The following MSH4 variants were observed in gnomAD, a reference collection of about 807,000 sequenced individuals.
MSH4 encodes mutS protein homolog 4.
Under a neutral mutation model 113.7 loss-of-function variants are expected in MSH4, and 106 were observed. That is an observed-to-expected ratio of 0.93 (90% CI 0.80 to 1.10). The LOEUF (loss-of-function observed/expected upper bound fraction) is 1.10. Among genes scored for constraint, MSH4 ranks in the 50% least tolerant of loss-of-function variants. The probability of loss-of-function intolerance (pLI) is 0.00; values close to 1 mark genes in which losing one functional copy is unlikely to be tolerated. For missense variants in MSH4, 1,061 were observed against 1,093.7 expected (o/e 0.97, Z 0.42); for synonymous variants, 368 against 380.2 (o/e 0.97, Z 0.37).
At chr1:75,813,462 A>T (rs1650230475) in intron 4 of MSH4, among the ~76,000 whole-genome samples, 1 of 152,166 alleles carries the variant, frequency 6.6e-6, no homozygotes. Context: ...CTACTGCAAG[A>T]CACTTAACTT....
intron 1 of MSH4, among the ~76,000 whole-genome samples, chr1:75,803,019 T>G (rs1649973581): frequency 6.6e-6 from 1 of 152,110 alleles, no homozygotes; most frequent in African/African-American, 2.4e-5. Flanking sequence ...ATGGATTAAT[T>G]CATTCATGAA....
chr1:75,825,666 T>C (rs1650530732), intron 7 of MSH4, among the ~76,000 whole-genome samples: 1 of 152,166 alleles, frequency 6.6e-6, no homozygotes, highest in African/African-American at 2.4e-5. Context: ...GACAGTTTTT[T>C]AGTATGAAGG....
At chr1:75,852,858 CA>C (rs1215369762) in intron 8 of MSH4, among the ~76,000 whole-genome samples, 1 of 151,924 alleles carries the variant, frequency 6.6e-6, no homozygotes, top group African/African-American at 2.4e-5. Flanking sequence ...AATCCCCGAT[CA>C]AAAAAATGAA....
At chr1:75,880,175 G>T in intron 13 of MSH4, 22 bp downstream of exon 13, 1 of 1,254,410 alleles carries the variant, frequency 8.0e-7, no homozygotes, top group South Asian at 1.4e-5. Flanking sequence ...TGAAGTATTT[G>T]AATATTGAAT....
At chr1:75,896,958 A>G (rs996938439) in intron 17 of MSH4, among the ~76,000 whole-genome samples, 12 of 151,926 alleles carry the variant, frequency 7.9e-5, no homozygotes, top group Admixed American at 5.2e-4. Flanking sequence ...AAGAATTTTC[A>G]TTTTTCTGTC....
At chr1:75,819,280 G>A (rs1288318405) in intron 6 of MSH4, among the ~76,000 whole-genome samples, 5 of 152,116 alleles carry the variant, frequency 3.3e-5, no homozygotes, top group Non-Finnish European at 7.3e-5. Flanking sequence ...ATCACTTGAG[G>A]CCAGGAGTTT....
chr1:75,845,882 G>A (rs1340566481), intron 7 of MSH4, among the ~76,000 whole-genome samples: 1 of 152,114 alleles, frequency 6.6e-6, no homozygotes, highest in East Asian at 1.9e-4. Flanking sequence ...CTCTGCCTGG[G>A]CCCCAGGCTG....
At chr1:75,911,990 T>G (rs1464190955) in intron 19 of MSH4, among the ~76,000 whole-genome samples, 2 of 152,136 alleles carry the variant, frequency 1.3e-5, no homozygotes, top group African/African-American at 4.8e-5. Flanking sequence ...GAAGTTCTAT[T>G]CAAGACCAAG....
At chr1:75,857,975 C>G (rs950353772) in intron 8 of MSH4, among the ~76,000 whole-genome samples, 1 of 152,074 alleles carries the variant, frequency 6.6e-6, no homozygotes, top group African/African-American at 2.4e-5. Context: ...TTGAAGAGGT[C>G]CTTCACATCC....
chr1:75,888,713 TG>T (rs562742399), intron 15 of MSH4, among the ~76,000 whole-genome samples: 154 of 152,228 alleles, frequency 1.0e-3, no homozygotes, highest in African/African-American at 3.5e-3. Context: ...TCAGTGTAAC[TG>T]GCATATTATA....
In MSH4 at chr1:75,803,790, T is replaced by TTTGGTGCAA. The variant is rs750912323; in HGVS notation, c.305_313dup (p.Ala104_Ser105insIleGlyAla). On this transcript the variant is annotated inframe_insertion, in exon 2 of 20. Transcript: ENST00000263187. ...AAACACAGTTGCATCAAATTTTACT[T>TTTGGTGCAA]TTGGTGCAAGCTCATCTTCTGCACG... The TTTGGTGCAA allele has an allele frequency of 6.2e-7, 1 of 1,605,430 alleles. No homozygotes were observed. Among genetic ancestry groups the TTTGGTGCAA allele is most frequent in the Non-Finnish European group, 8.5e-7 (1 of 1,177,152 alleles).
rs761581558 is a variant in MSH4 at position 75,807,185 on chromosome 1, T to C, written c.588+44T>C. On this transcript the variant is annotated intron_variant, in intron 3 of 19. Transcript: ENST00000263187. ...AGAAAATGGTTGCTCTGTTAGGCAGTATCTAGAGTTTAAAGTCAGTGCCTT... is the reference window on the plus strand; with the variant it reads ...AGAAAATGGTTGCTCTGTTAGGCAGCATCTAGAGTTTAAAGTCAGTGCCTT... 4 of 1,426,156 alleles carry C rather than the reference T, an allele frequency of 2.8e-6. No individual in the cohort carries two copies. The South Asian group carries it at 5.3e-5, about 19-fold the overall frequency. The allele number at this position is 1,426,156 out of a possible 1,614,324, so 88.3% of individuals were successfully genotyped here.
At chr1:75,905,884 T>A (rs1652617302) in intron 19 of MSH4, among the ~76,000 whole-genome samples, 1 of 152,130 alleles carries the variant, frequency 6.6e-6, no homozygotes, top group Non-Finnish European at 1.5e-5. Flanking sequence ...TCTTTTTTGG[T>A]TTTTATTTAT....
At chr1:75,850,973 A>G (rs1490607189) in intron 8 of MSH4, among the ~76,000 whole-genome samples, 1 of 152,130 alleles carries the variant, frequency 6.6e-6, no homozygotes, top group South Asian at 2.1e-4. Flanking sequence ...TATGAAATCT[A>G]CTGCATCTAA....
At chr1:75,905,460 G>C (rs1271506071) in intron 19 of MSH4, among the ~76,000 whole-genome samples, 2 of 151,856 alleles carry the variant, frequency 1.3e-5, no homozygotes. Flanking sequence ...TTGTTTTGTG[G>C]CCTAATGTAT....
At chr1:75,895,818 A>G (rs975257511) in intron 17 of MSH4, among the ~76,000 whole-genome samples, 2 of 152,120 alleles carry the variant, frequency 1.3e-5, no homozygotes, top group East Asian at 1.9e-4. Context: ...CAGTTGTATC[A>G]TATTAGAGGG....
chr1:75,822,472 T>G lies in MSH4; in HGVS notation c.1053T>G (p.Leu351=). The change falls in exon 7 of 20, where the codon CTT becomes CTG. Residue 351 remains leucine (L), a synonymous_variant. Transcript: ENST00000263187. The stretch of plus-strand genomic sequence containing the variant: ...AGACTCCTGGAGGGAGTAGACGACT[T>G]CGTTCTAATATATTAGAGCCTCTAG... The part of the protein sequence containing the change: ...YTKTPGGSRR[L]RSNILEPLVD... 6.3e-7 allele frequency: 1 copy of G among 1,587,398 alleles called. No homozygotes were observed. The highest frequency in any genetic ancestry group is 8.6e-7 in the Non-Finnish European group (1 of 1,168,626).
In MSH4 at chr1:75,912,799, G is replaced by A. The variant is rs1268140014; in HGVS notation, c.2723G>A (p.Ser908Asn). Residue 908 changes from serine to asparagine, a missense_variant, in exon 20 of 20, where the codon AGT becomes AAT. By Grantham distance (46) the Ser-to-Asn change is conservative. Transcript: ENST00000263187. ...CGAAACTCTCAATTGGATCCAGACA[G>A]TTTACGAATATATTTAAGTAACCTC... ...TARNSQLDPD[S>N]LRIYLSNLKK... 1 of 1,594,724 alleles carries A rather than the reference G, an allele frequency of 6.3e-7. No individual in the cohort carries two copies. Among genetic ancestry groups the A allele is most frequent in the East Asian group, 2.3e-5 (1 of 43,096 alleles).
chr1:75,820,724 G>A (rs1231305132), intron 6 of MSH4, among the ~76,000 whole-genome samples: 2 of 151,612 alleles, frequency 1.3e-5, no homozygotes, highest in Non-Finnish European at 2.9e-5. Flanking sequence ...TTCTTTATTA[G>A]TCTTGCTAGT....
Sources: allele counts gnomAD v4.1 joint callset (sites outside exome capture counted in the v4.1 genomes callset), GRCh38; gene constraint gnomAD v4.1.1; transcripts MANE v1.5; gene names NCBI Gene and HGNC (gene_info 2026-07-23, HGNC 2026-07-21).